The following ALDH4A1 variants were observed in gnomAD, a reference collection of about 807,000 sequenced individuals.
ALDH4A1 encodes aldehyde dehydrogenase 4 family member A1, also known as delta-1-pyrroline-5-carboxylate dehydrogenase, mitochondrial.
In ALDH4A1, 46 loss-of-function variants were observed where a neutral mutation model predicts 70.5. That is an observed-to-expected ratio of 0.65 (90% CI 0.51 to 0.83). The LOEUF (loss-of-function observed/expected upper bound fraction) is 0.83, where lower values mean the gene tolerates loss of function less well. ALDH4A1 is among the 40% of genes least tolerant of loss of function. ALDH4A1 has a pLI of 0.00. For synonymous variants in ALDH4A1, 323 were observed against 324.3 expected (o/e 1.00, Z 0.04); for missense variants, 749 against 766.5 (o/e 0.98, Z 0.27).
intron 4 of ALDH4A1, 66 bp from the exon 5 acceptor site, chr1:18,885,694 G>A (rs1935174365): frequency 1.2e-6 from 2 of 1,606,252 alleles, no homozygotes; most frequent in South Asian, 1.1e-5. Context: ...GAGTGAGCGA[G>A]GGAGGAGAGA....
At chr1:18,876,991 C>T (rs1269014365) in intron 11 of ALDH4A1, among the ~76,000 whole-genome samples, 1 of 152,202 alleles carries the variant, frequency 6.6e-6, no homozygotes, top group Admixed American at 6.5e-5. Flanking sequence ...GCTCGCTGAG[C>T]CTGGTTCCAG....
rs749555399 is a variant in ALDH4A1, at chr1:18,876,457, C to T, written c.1196G>A (p.Arg399His). The change falls in exon 12 of 15, where the codon CGT (arginine) becomes CAT (histidine). Residue 399 changes from arginine (R) to histidine (H), a missense_variant. By Grantham distance (29) the Arg-to-His change is conservative. Coordinates refer to ENST00000375341, the MANE Select transcript of ALDH4A1 (RefSeq NM_003748.4). ...SAVIDAKSFA[R>H]IKKWLEHARS... ...TGCGTGCTCCAGCCACTTCTTGATA[C>T]GGGCAAAGGACTGGGGTGGGCAGGG... 77 of 1,596,766 alleles carry T rather than the reference C, an allele frequency of 4.8e-5. No homozygotes were observed. The African/African-American group carries it at 5.6e-4, about 12-fold the overall frequency.
At position 18,880,841 on chromosome 1, in the gene ALDH4A1, A is replaced by C. The variant is rs913399715; in HGVS notation, c.866+859T>G. ...TCTTGCCAGATCCAATTTGGGGGCCATTATTTGCAATCTCTGCCTGACACA... is the reference window on the plus strand; with the variant it reads ...TCTTGCCAGATCCAATTTGGGGGCCCTTATTTGCAATCTCTGCCTGACACA... On this transcript the variant is annotated intron_variant, in intron 8 of 14. Coordinates refer to ENST00000375341, the MANE Select transcript of ALDH4A1 (RefSeq NM_003748.4). The surrounding 1 kb of genome is among the most constrained non-coding windows in gnomAD (Gnocchi z 5.1). Among the ~76,000 whole-genome samples, 2 of 152,182 alleles carry C rather than the reference A, an allele frequency of 1.3e-5. No individual in the cohort carries two copies. Among genetic ancestry groups the C allele is most frequent in the Non-Finnish European group, 2.9e-5 (2 of 68,038 alleles).
At chr1:18,877,380 C>A (rs375007623) in intron 10 of ALDH4A1, 36 bp downstream of exon 10, 3 of 1,552,704 alleles carry the variant, frequency 1.9e-6, no homozygotes, top group East Asian at 4.9e-5. Context: ...CATCAGCCCC[C>A]CGCTGGGCCG....
chr1:18,881,678 T>C, intron 8 of ALDH4A1, 22 bp downstream of exon 8: 2 of 1,613,388 alleles, frequency 1.2e-6, no homozygotes, highest in East Asian at 4.5e-5. Context: ...CACCACAGCC[T>C]ACACCATCCC....
intron 9 of ALDH4A1, among the ~76,000 whole-genome samples, chr1:18,878,880 T>G (rs578147195): frequency 4.1e-4 from 63 of 152,308 alleles, no homozygotes; most frequent in African/African-American, 1.4e-3. Flanking sequence ...CCCTCCTCCC[T>G]CCCTACTCAT....
In ALDH4A1 at chr1:18,874,536, G is replaced by C; in HGVS notation, c.1506C>G (p.Gly502=). ...EATKVLRNAA[G]NFYINDKSTG... is the part of the protein sequence containing the mutation. ...TGGACTTGTCGTTGATGTAGAAGTT[G>C]CCGGCAGCATTCCTCAGCACCTTTG... The change falls in exon 14 of 15, where the codon GGC becomes GGG. Residue 502 remains glycine (G), a synonymous_variant. Coordinates refer to ENST00000375341, the MANE Select transcript of ALDH4A1 (RefSeq NM_003748.4). 1 of 1,614,240 alleles carries C rather than the reference G, an allele frequency of 6.2e-7. No individual in the cohort carries two copies.
In ALDH4A1 at chr1:18,877,204, G is replaced by A. The variant is rs746106042; in HGVS notation, c.1185+4C>T. 8.7e-6 allele frequency: 14 copies of A among 1,607,582 alleles called. No individual in the cohort carries two copies. The Middle Eastern group carries it at 6.6e-4, about 76-fold the overall frequency. On this transcript the variant is annotated splice_donor_region_variant and intron_variant, in intron 11 of 14. Coordinates refer to ENST00000375341, the MANE Select transcript of ALDH4A1 (RefSeq NM_003748.4). ...CCCAGGAACGCCCACTTCCCACCCC[G>A]TACCTTGGCATCAATCACTGCAGAG...
At chr1:18,893,902 G>A (rs576125416) in intron 1 of ALDH4A1, among the ~76,000 whole-genome samples, 3 of 152,252 alleles carry the variant, frequency 2.0e-5, no homozygotes, top group South Asian at 2.1e-4. Flanking sequence ...GCAGCTAATC[G>A]GAGTGTATAT....
intron 5 of ALDH4A1, chr1:18,885,170 G>A (rs955847680): frequency 1.6e-5 from 7 of 441,764 alleles, no homozygotes; most frequent in Non-Finnish European, 2.9e-5. Flanking sequence ...TAGGAGGCAG[G>A]GAGACAGTGC....
At chr1:18,876,661 C>CTGTGTGTGTGTATGTGTGTGTGTGTGTG (rs1553153211) in intron 11 of ALDH4A1, among the ~76,000 whole-genome samples, 194 bp from the exon 12 acceptor site, 22 of 146,732 alleles carry the variant, frequency 1.5e-4, no homozygotes, top group Non-Finnish European at 3.2e-4. Flanking sequence ...GACATGAACA[C>CTGTGTGTGTGTATGTGTGTGTGTGTGTG]TGTGTGTGTG....
rs557448566 is a variant in ALDH4A1, at chr1:18,875,264, G to A, written c.1460+118C>T. 1.1e-5 allele frequency: 17 copies of A among 1,528,500 alleles called. No individual in the cohort carries two copies. The Admixed American group carries it at 1.5e-4, about 14-fold the overall frequency. 94.7% of individuals were successfully genotyped at this position (1,528,500 alleles called of 1,614,324 possible). On this transcript the variant is annotated intron_variant, in intron 13 of 14. Coordinates refer to ENST00000375341, the MANE Select transcript of ALDH4A1 (RefSeq NM_003748.4). ...TGGCTGCCTGTCTGGGCTGAGGGGAGGGGACAGAGAGAAGGTAGGGGCAGC... is the reference window on the plus strand; with the variant it reads ...TGGCTGCCTGTCTGGGCTGAGGGGAAGGGACAGAGAGAAGGTAGGGGCAGC...
chr1:18,890,998 G>T (rs1055510888), intron 1 of ALDH4A1: 6 of 580,032 alleles, frequency 1.0e-5, no homozygotes, highest in African/African-American at 1.0e-4. Context: ...GGCCCTGGGG[G>T]TGAGGTGCCT....
At chr1:18,875,779 G>GT (rs1344458484) in intron 12 of ALDH4A1, among the ~76,000 whole-genome samples, 1 of 152,162 alleles carries the variant, frequency 6.6e-6, no homozygotes, top group African/African-American at 2.4e-5. Flanking sequence ...GAGAACTAAG[G>GT]GTCCAGGTCC....
intron 1 of ALDH4A1, among the ~76,000 whole-genome samples, chr1:18,901,537 G>C (rs1438575178): frequency 6.6e-6 from 1 of 152,224 alleles, no homozygotes; most frequent in Non-Finnish European, 1.5e-5. Context: ...CTAGCTCCGA[G>C]CTGGAGGGGC....
chr1:18,887,329 G>T (rs1287713891), intron 3 of ALDH4A1, among the ~76,000 whole-genome samples: 1 of 152,266 alleles, frequency 6.6e-6, no homozygotes, highest in Non-Finnish European at 1.5e-5. Context: ...GCCGGGCGCG[G>T]TGGCTCACAC....
intron 1 of ALDH4A1, chr1:18,890,694 G>A (rs1935401682): frequency 1.5e-5 from 15 of 985,494 alleles, no homozygotes; most frequent in South Asian, 4.7e-5. Flanking sequence ...CCGAACTCAC[G>A]CGGTTGTTTG....
chr1:18,877,694 T>G, intron 9 of ALDH4A1, 82 bp from the exon 10 acceptor site: 1 of 1,504,934 alleles, frequency 6.6e-7, no homozygotes, highest in Non-Finnish European at 9.0e-7. Context: ...ACCTACGCCA[T>G]CCATGGCCCG....
At chr1:18,885,446 A>ACCCCCCCCCC in intron 5 of ALDH4A1, 27 bp downstream of exon 5, 2 of 461,624 alleles carry the variant, frequency 4.3e-6, no homozygotes, top group East Asian at 5.0e-5. Flanking sequence ...ACCCCGCCCC[A>ACCCCCCCCCC]CCCACCCGGG....
Sources: allele counts gnomAD v4.1 joint callset (sites outside exome capture counted in the v4.1 genomes callset), GRCh38; gene constraint gnomAD v4.1.1; non-coding constraint Gnocchi (gnomAD v3.1); transcripts MANE v1.5; gene names NCBI Gene and HGNC (gene_info 2026-07-23, HGNC 2026-07-21).